NRXN3: variants seen among roughly 807,000 people sequenced by gnomAD.
The protein encoded by NRXN3 is neurexin III.
In NRXN3, 32 loss-of-function variants were observed where a neutral mutation model predicts 137.6. That is an observed-to-expected ratio of 0.23 (90% CI 0.18 to 0.31). The LOEUF (loss-of-function observed/expected upper bound fraction) is 0.31, where lower values mean the gene tolerates loss of function less well. Ranked by LOEUF, NRXN3 falls within the 10% of genes least tolerant of loss-of-function variation. The pLI is 1.00. For synonymous variants in NRXN3, 798 were observed against 784.5 expected (o/e 1.02, Z -0.29); for missense variants, 1,574 against 2,062.5 (o/e 0.76, Z 4.59).
At chr14:79,650,060 G>A (rs560914023) in intron 16 of NRXN3, among the ~76,000 whole-genome samples, 1 of 152,250 alleles carries the variant, frequency 6.6e-6, no homozygotes, top group South Asian at 2.1e-4. Flanking sequence ...GGTAGTGCAG[G>A]AATTGAACTT....
At chr14:79,467,560 TG>T (rs1878522686) in intron 16 of NRXN3, among the ~76,000 whole-genome samples, 158 bp downstream of exon 16, 1 of 152,164 alleles carries the variant, frequency 6.6e-6, no homozygotes. Context: ...ACAGGGTTCC[TG>T]GGGGAAAAAA....
intron 20 of NRXN3, among the ~76,000 whole-genome samples, chr14:79,835,289 A>T (rs1176378260): frequency 6.6e-6 from 1 of 152,126 alleles, no homozygotes. Flanking sequence ...CACATGATAA[A>T]TATGTACAAT....
At chr14:79,544,259 G>A (rs2097299425) in intron 16 of NRXN3, among the ~76,000 whole-genome samples, 1 of 152,170 alleles carries the variant, frequency 6.6e-6, no homozygotes, top group East Asian at 1.9e-4. Flanking sequence ...CACAATACTA[G>A]GTACACAAAG....
chr14:78,389,072 G>C (rs78046510), intron 4 of NRXN3, among the ~76,000 whole-genome samples: 965 of 66,460 alleles, frequency 0.015, 6 homozygotes, highest in African/African-American at 0.049. Context: ...TTTTTTTTTT[G>C]TTTGAGACGG....
intron 14 of NRXN3, among the ~76,000 whole-genome samples, chr14:78,975,744 G>GC (rs2099463113): frequency 1.3e-5 from 2 of 152,122 alleles, no homozygotes; most frequent in Non-Finnish European, 2.9e-5. Context: ...ACCTCAAAGA[G>GC]CAAGAAAGAA....
At chr14:79,590,416 TAAAAAAAAAAAA>T (rs11419735) in intron 16 of NRXN3, among the ~76,000 whole-genome samples, 1 of 92,290 alleles carries the variant, frequency 1.1e-5, no homozygotes, top group African/African-American at 5.6e-5. Context: ...TTTCTTTTGT[TAAAAAAAAAAAA>T]AAAAAAAAAA....
At chr14:78,963,644 T>A (rs1376800554) in intron 11 of NRXN3, among the ~76,000 whole-genome samples, 1 of 152,268 alleles carries the variant, frequency 6.6e-6, no homozygotes, top group Non-Finnish European at 1.5e-5. Flanking sequence ...AGCAGATTTA[T>A]GTTGCATTTT....
chr14:79,822,493 C>A (rs1402058115), intron 20 of NRXN3, among the ~76,000 whole-genome samples: 1 of 152,078 alleles, frequency 6.6e-6, no homozygotes, highest in East Asian at 1.9e-4. Context: ...GTATGTCAGT[C>A]CTTCCCTACA....
chr14:78,492,843 A>G (rs2095694785), intron 4 of NRXN3, among the ~76,000 whole-genome samples: 1 of 152,224 alleles, frequency 6.6e-6, no homozygotes, highest in Non-Finnish European at 1.5e-5. Context: ...TATAATGGCA[A>G]AGAAGAATAT....
intron 10 of NRXN3, among the ~76,000 whole-genome samples, chr14:78,898,865 G>A (rs1357626963): frequency 6.6e-6 from 1 of 151,790 alleles, no homozygotes; most frequent in East Asian, 1.9e-4. Context: ...AAAAAATTGT[G>A]GAGCATTATA....
At chr14:78,532,150 CAA>C (rs386381910) in intron 4 of NRXN3, among the ~76,000 whole-genome samples, 1,594 of 121,288 alleles carry the variant, frequency 0.013, 19 homozygotes, top group African/African-American at 0.031. Context: ...ACTAAAAATA[CAA>C]AAAAAAAAAA....
rs564315854 is a variant in NRXN3 at position 79,800,403 on chromosome 14, G to A, written c.4015-4709G>A. Among the ~76,000 whole-genome samples the A allele has an allele frequency of 8.5e-5, 13 of 152,296 alleles. No homozygotes were observed. The South Asian group carries it at 2.3e-3, about 27-fold the overall frequency. Reference sequence around the variant, plus strand: ...TCAGCACAAAGCCTAAATGTAGCCAGTGTTTATTAAGTGGTAAATGTTATT... The same window carrying A: ...TCAGCACAAAGCCTAAATGTAGCCAATGTTTATTAAGTGGTAAATGTTATT... On this transcript the variant is annotated intron_variant, in intron 19 of 20. Transcript: ENST00000335750.
intron 10 of NRXN3, among the ~76,000 whole-genome samples, chr14:78,884,420 A>G (rs1454828223): frequency 2.0e-5 from 3 of 152,162 alleles, no homozygotes; most frequent in African/African-American, 7.2e-5. Context: ...TCCTGCCCAC[A>G]TCAGTTTTTG....
chr14:78,707,433 C>G (rs1427985188), intron 6 of NRXN3, among the ~76,000 whole-genome samples: 1 of 152,168 alleles, frequency 6.6e-6, no homozygotes, highest in Non-Finnish European at 1.5e-5. Context: ...GCGCCAAAAA[C>G]CATTCCAGGG....
chr14:79,217,544 C>T (rs2068758810), intron 15 of NRXN3, among the ~76,000 whole-genome samples: 1 of 152,056 alleles, frequency 6.6e-6, no homozygotes, highest in South Asian at 2.1e-4. Flanking sequence ...AAAAAATAAA[C>T]ATATGGGAAC....
At chr14:78,991,835 A>G (rs1241617971) in intron 15 of NRXN3, among the ~76,000 whole-genome samples, 5 of 152,192 alleles carry the variant, frequency 3.3e-5, no homozygotes, top group Admixed American at 3.3e-4. Context: ...TGTTGCCTCT[A>G]TGAGTACAGC....
At chr14:78,477,221 T>C (rs144267517) in intron 4 of NRXN3, among the ~76,000 whole-genome samples, 1 of 152,310 alleles carries the variant, frequency 6.6e-6, no homozygotes, top group African/African-American at 2.4e-5. Context: ...TTCCATACCA[T>C]TGGGTCTTCT....
At chr14:79,155,045 G>A (rs1323062162) in intron 15 of NRXN3, among the ~76,000 whole-genome samples, 1 of 151,758 alleles carries the variant, frequency 6.6e-6, no homozygotes, top group Non-Finnish European at 1.5e-5. Context: ...AGAGGTTGTG[G>A]CATCCTATTC....
intron 4 of NRXN3, among the ~76,000 whole-genome samples, chr14:78,338,314 G>C (rs1366652276): frequency 6.6e-6 from 1 of 152,232 alleles, no homozygotes; most frequent in Non-Finnish European, 1.5e-5. Flanking sequence ...CGTGTGGCCA[G>C]TAACTAATGT....
Sources: gnomAD v4.1 joint callset for allele counts (sites outside exome capture counted in the v4.1 genomes callset) on GRCh38, gnomAD v4.1.1 for gene constraint, MANE v1.5 for transcripts, NCBI Gene and HGNC (gene_info 2026-07-23, HGNC 2026-07-21) for gene names.